PPP4R3B: variants seen among roughly 807,000 people sequenced by gnomAD.
The protein encoded by PPP4R3B is protein phosphatase 4 regulatory subunit 3B.
In PPP4R3B, 52 loss-of-function variants were observed where a neutral mutation model predicts 95.4. The observed-to-expected ratio is 0.54, with a 90% CI of 0.44 to 0.69. PPP4R3B has a LOEUF of 0.69. Among genes scored for constraint, PPP4R3B ranks in the 30% least tolerant of loss-of-function variants. The probability of loss-of-function intolerance (pLI) is 0.00; values close to 1 mark genes in which losing one functional copy is unlikely to be tolerated. For missense variants in PPP4R3B, 1,003 were observed against 1,005.9 expected (o/e 1.00, Z 0.04); for synonymous variants, 407 against 343.9 (o/e 1.18, Z -2.03).
At chr2:55,594,334 G>A (rs777566537) in intron 4 of PPP4R3B, among the ~76,000 whole-genome samples, 1 of 150,228 alleles carries the variant, frequency 6.7e-6, no homozygotes, top group African/African-American at 2.4e-5. Flanking sequence ...CAACATCATT[G>A]CTGGCACATA....
At chr2:55,615,402 C>T (rs1694753596) in intron 2 of PPP4R3B, 49 bp downstream of exon 2, 2 of 1,330,750 alleles carry the variant, frequency 1.5e-6, no homozygotes, top group Non-Finnish European at 1.1e-6. Flanking sequence ...ATTAATACTT[C>T]CTTGATCACA....
At chr2:55,610,920 C>CGGTA (rs1230361001) in intron 2 of PPP4R3B, among the ~76,000 whole-genome samples, 2 of 145,188 alleles carry the variant, frequency 1.4e-5, no homozygotes, top group African/African-American at 5.1e-5. Flanking sequence ...GGCTGGAGTG[C>CGGTA]GGTAGCACAG....
intron 16 of PPP4R3B, among the ~76,000 whole-genome samples, chr2:55,555,220 C>G (rs562024058): frequency 1.4e-3 from 202 of 144,364 alleles, no homozygotes; most frequent in African/African-American, 5.1e-3. Flanking sequence ...GCGGAGCTTG[C>G]AGTGAGCCAA....
chr2:55,555,479 C>T (rs943261659), intron 16 of PPP4R3B, among the ~76,000 whole-genome samples: 1 of 151,642 alleles, frequency 6.6e-6, no homozygotes, highest in African/African-American at 2.4e-5. Flanking sequence ...TTTGGGAGGC[C>T]GAGGTGGGTG....
intron 11 of PPP4R3B, among the ~76,000 whole-genome samples, chr2:55,575,259 A>G (rs1688529996): frequency 2.6e-5 from 4 of 151,630 alleles, no homozygotes. Flanking sequence ...CTTTTAAAAT[A>G]TCAACTCACG....
rs1253894761 is a variant in PPP4R3B, at chr2:55,549,453, A to T, written c.*458T>A. The T allele has an allele frequency of 6.5e-6, 1 of 153,320 alleles. No individual in the cohort carries two copies. The highest frequency in any genetic ancestry group is 2.4e-5 in the African/African-American group (1 of 41,448). The allele number at this position is 153,320 out of a possible 1,614,324, so 9.5% of individuals were successfully genotyped here. A position where few individuals can be genotyped will look rare whatever the true frequency, so the allele number is the denominator to read the frequency against. The stretch of plus-strand genomic sequence containing the variant: ...TGATAGTTGAATGTGTTTTCCATAA[A>T]AATTTCTTTTAAAAAGAGGCAACTG... On this transcript the variant is annotated 3_prime_UTR_variant, in exon 17 of 17. Coordinates refer to ENST00000616407, the MANE Select transcript of PPP4R3B (RefSeq NM_001122964.3).
In PPP4R3B at chr2:55,568,191, T is replaced by G; in HGVS notation, c.1935+3A>C. On this transcript the variant is annotated splice_donor_region_variant and intron_variant, in intron 13 of 16. Transcript: ENST00000616407. The stretch of plus-strand genomic sequence containing the variant: ...TAATAACAGCTGTTTTATATAAACT[T>G]ACCACTCTTATAAATTCAAACAACT... 6.5e-7 allele frequency: 1 copy of G among 1,531,494 alleles called. No individual in the cohort carries two copies. The highest frequency in any genetic ancestry group is 8.8e-7 in the Non-Finnish European group (1 of 1,141,606). 94.9% of individuals were successfully genotyped at this position (1,531,494 alleles called of 1,614,324 possible).
chr2:55,599,867 A>T (rs1692307110), intron 3 of PPP4R3B, among the ~76,000 whole-genome samples: 1 of 152,188 alleles, frequency 6.6e-6, no homozygotes, highest in Non-Finnish European at 1.5e-5. Context: ...AACTTCCTCT[A>T]ACATTTCTCC....
At position 55,585,133 on chromosome 2, in the gene PPP4R3B, G is replaced by A; in HGVS notation, c.1151C>T (p.Thr384Ile). Residue 384 changes from threonine to isoleucine, a missense_variant, in exon 7 of 17, where the codon ACA (threonine) becomes ATA (isoleucine). Thr to Ile is a moderately conservative substitution (Grantham distance 89). Transcript: ENST00000616407. ...TTCTACTAGATAAGAAAATATATCT[G>A]TAGCAGCTGATCTGACTTGCAAATC... ...MDDLQVRSAA[T>I]DIFSYLVEFS... 6.2e-7 allele frequency: 1 copy of A among 1,610,176 alleles called. No individual in the cohort carries two copies. Among genetic ancestry groups the A allele is most frequent in the Non-Finnish European group, 8.5e-7 (1 of 1,178,518 alleles).
At chr2:55,604,636 AC>A (rs1259647219) in intron 2 of PPP4R3B, among the ~76,000 whole-genome samples, 1 of 152,086 alleles carries the variant, frequency 6.6e-6, no homozygotes, top group African/African-American at 2.4e-5. Flanking sequence ...CCAGTTCAGT[AC>A]CTTAGCTTAG....
chr2:55,562,395 C>A (rs996548779), intron 15 of PPP4R3B, among the ~76,000 whole-genome samples: 1 of 152,166 alleles, frequency 6.6e-6, no homozygotes, highest in Non-Finnish European at 1.5e-5. Context: ...GCACTCCAGC[C>A]TGGGCAATGA....
chr2:55,559,085 C>A (rs558158070), intron 15 of PPP4R3B, 117 bp from the exon 16 acceptor site: 2 of 775,892 alleles, frequency 2.6e-6, no homozygotes, highest in Non-Finnish European at 4.0e-6. Flanking sequence ...TGGTGGCTCA[C>A]GCCTGTAATC....
intron 5 of PPP4R3B, among the ~76,000 whole-genome samples, chr2:55,587,792 T>C (rs1204367667): frequency 6.6e-6 from 1 of 152,198 alleles, no homozygotes; most frequent in African/African-American, 2.4e-5. Flanking sequence ...GACTGAAATG[T>C]ACATCAAAAC....
chr2:55,577,733 C>A (rs1053846892), intron 10 of PPP4R3B, among the ~76,000 whole-genome samples: 1 of 151,674 alleles, frequency 6.6e-6, no homozygotes, highest in Non-Finnish European at 1.5e-5. Flanking sequence ...ATTTGATTAT[C>A]CATTATACAT....
chr2:55,550,989 T>TA (rs1685181666), intron 16 of PPP4R3B, among the ~76,000 whole-genome samples: 1 of 152,102 alleles, frequency 6.6e-6, no homozygotes, highest in African/African-American at 2.4e-5. Context: ...GCTAAATTGT[T>TA]AAAAATAGGC....
At chr2:55,562,603 C>A (rs1241495295) in intron 15 of PPP4R3B, among the ~76,000 whole-genome samples, 1 of 152,200 alleles carries the variant, frequency 6.6e-6, no homozygotes. Context: ...AATCAAACCT[C>A]TTTTCTTCAT....
chr2:55,561,597 T>C (rs896809325), intron 15 of PPP4R3B, among the ~76,000 whole-genome samples: 8 of 152,264 alleles, frequency 5.3e-5, no homozygotes, highest in African/African-American at 1.9e-4. Context: ...GCCATGGCCC[T>C]GGGAGCCTAC....
intron 2 of PPP4R3B, chr2:55,615,129 CTA>C (rs1438752926): frequency 1.9e-5 from 4 of 209,690 alleles, no homozygotes; most frequent in African/African-American, 7.0e-5. Flanking sequence ...GAATTTTGTT[CTA>C]TGTCATTTCC....
At position 55,564,404 on chromosome 2, in the gene PPP4R3B, CTCT is replaced by C; in HGVS notation, c.2166_2168del (p.Glu724del). Reference sequence around the variant, plus strand: ...CTGGTGCCACAACTGCTTTTCCTTCCTCTTCTTCATCTTCATTAAACCACATTT... The same window carrying C: ...CTGGTGCCACAACTGCTTTTCCTTCCTCTTCATCTTCATTAAACCACATTT... On this transcript the variant is annotated inframe_deletion, in exon 15 of 17. Coordinates refer to ENST00000616407, the MANE Select transcript of PPP4R3B (RefSeq NM_001122964.3). 2.5e-6 allele frequency: 4 copies of C among 1,613,832 alleles called. No homozygotes were observed. The African/African-American group carries it at 4.0e-5, about 16-fold the overall frequency.
Sources: gnomAD v4.1 joint callset for allele counts (sites outside exome capture counted in the v4.1 genomes callset) on GRCh38, gnomAD v4.1.1 for gene constraint, MANE v1.5 for transcripts, NCBI Gene and HGNC (gene_info 2026-07-23, HGNC 2026-07-21) for gene names.